The following SGO2 variants were observed in gnomAD, a reference collection of about 807,000 sequenced individuals.
SGO2 encodes shugoshin 2.
Under a neutral mutation model 99.5 loss-of-function variants are expected in SGO2, and 68 were observed. The observed-to-expected ratio is 0.68, with a 90% confidence interval of 0.56 to 0.84. The LOEUF (loss-of-function observed/expected upper bound fraction) is 0.84, where lower values mean the gene tolerates loss of function less well. SGO2 is among the 40% of genes least tolerant of loss of function. SGO2 has a pLI of 0.00. For synonymous variants in SGO2, 457 were observed against 487.1 expected, an observed-to-expected ratio of 0.94 and a Z score of 0.81; for missense variants, 1,350 against 1,436.7, an observed-to-expected ratio of 0.94 and a Z score of 0.97.
chr2:200,533,546 TGTA>T (rs1394004553), intron 2 of SGO2, among the ~76,000 whole-genome samples: 1 of 149,094 alleles, frequency 6.7e-6, no homozygotes, highest in Non-Finnish European at 1.5e-5. Flanking sequence ...TGTGTGTGTG[TGTA>T]TACATGTGAC....
intron 5 of SGO2, among the ~76,000 whole-genome samples, chr2:200,545,533 C>CAACAA (rs111459726): frequency 1.7e-3 from 265 of 152,082 alleles, no homozygotes; most frequent in Non-Finnish European, 2.4e-3. Context: ...TCTCTTGCCC[C>CAACAA]AACAAAACAA....
chr2:200,542,474 A>C, intron 4 of SGO2, 105 bp from the exon 5 acceptor site: 1 of 754,394 alleles, frequency 1.3e-6, no homozygotes, highest in South Asian at 1.9e-5. Flanking sequence ...TAAATGCAAA[A>C]ATTGTTCTTT....
chr2:200,575,804 C>T (rs562504385), intron 8 of SGO2, among the ~76,000 whole-genome samples: 20 of 152,214 alleles, frequency 1.3e-4, no homozygotes, highest in African/African-American at 4.6e-4. Flanking sequence ...TATTTCCTAC[C>T]TTGTTCCCTA....
rs530182939 is a variant in SGO2 at position 200,572,600 on chromosome 2, G to C, written c.2254G>C (p.Glu752Gln). 1.9e-6 allele frequency: 3 copies of C among 1,613,098 alleles called. No individual in the cohort carries two copies. The highest frequency in any genetic ancestry group is 2.5e-6 in the Non-Finnish European group (3 of 1,179,394). ...HSLFLTQKDK[E>Q]IIPGNLEDPS... is the part of the protein sequence containing the mutation. ...ACTCTTTTTAACGCAAAAAGATAAGGAAATCATCCCTGGAAACCTAGAAGA... is the reference window on the plus strand; with the variant it reads ...ACTCTTTTTAACGCAAAAAGATAAGCAAATCATCCCTGGAAACCTAGAAGA... Residue 752 changes from glutamate (E) to glutamine (Q), a missense_variant, in exon 7 of 9, where the codon GAA (glutamate) becomes CAA (glutamine). Coordinates refer to ENST00000357799, the MANE Select transcript of SGO2 (RefSeq NM_152524.6).
intron 5 of SGO2, among the ~76,000 whole-genome samples, chr2:200,546,572 T>C (rs1337129110): frequency 6.6e-6 from 1 of 152,002 alleles, no homozygotes; most frequent in Non-Finnish European, 1.5e-5. Context: ...TGTGATTTCT[T>C]GGACCAAGAA....
chr2:200,572,411 T>A lies in SGO2; in HGVS notation c.2065T>A (p.Leu689Met). 6.2e-7 allele frequency: 1 copy of A among 1,613,526 alleles called. No individual in the cohort carries two copies. Among genetic ancestry groups the A allele is most frequent in the Non-Finnish European group, 8.5e-7 (1 of 1,179,610 alleles). ...NQCDYRTQNV[L>M]GLQKQITNMY... ...ATGTGACTATAGGACCCAGAATGTG[T>A]TGGGTTTGCAAAAGCAGATCACCAA... Residue 689 changes from leucine (L) to methionine (M), a missense_variant, in exon 7 of 9, where the codon TTG (leucine) becomes ATG (methionine). Transcript: ENST00000357799.
chr2:200,578,450 G>C lies in SGO2; in HGVS notation c.3782+2989G>C, dbSNP rs114283791. Among the ~76,000 whole-genome samples the C allele has an allele frequency of 8.2e-3, 1,244 of 152,300 alleles. 14 individuals are homozygous for C. The highest frequency in any genetic ancestry group is 0.027 in the African/African-American group (1,141 of 41,558). ...GGTGCTCTGCTTAGGGTCTGACAAAGCTGCACTAAAGGTGTCGTCCAGGCT... is the reference window on the plus strand; with the variant it reads ...GGTGCTCTGCTTAGGGTCTGACAAACCTGCACTAAAGGTGTCGTCCAGGCT... On this transcript the variant is annotated intron_variant, in intron 8 of 8. Coordinates refer to ENST00000357799, the MANE Select transcript of SGO2 (RefSeq NM_152524.6).
rs750895188 is a variant in SGO2, at chr2:200,571,729, T to G, written c.1383T>G (p.Asn461Lys). Residue 461 changes from asparagine (N) to lysine (K), a missense_variant, in exon 7 of 9, where the codon AAT becomes AAG. Transcript: ENST00000357799. ...ATAATGAACAGCTGGCTCAGATGAA[T>G]GAACAGCTGGCTCAGGTGAATGAAC... is the stretch of plus-strand genomic sequence containing the variant. ...IFNNEQLAQM[N>K]EQLAQVNELK... 2 of 1,613,696 alleles carry G rather than the reference T, an allele frequency of 1.2e-6. No homozygotes were observed. Among genetic ancestry groups the G allele is most frequent in the Non-Finnish European group, 1.7e-6 (2 of 1,179,694 alleles).
chr2:200,570,160 A>T lies in SGO2; in HGVS notation c.703+268A>T. ...CCTAATGAGCTTTTCTCAATATCTT[A>T]GCTTATGATTTGAAAGATACCATAT... On this transcript the variant is annotated intron_variant, in intron 6 of 8. Transcript: ENST00000357799. This position sits in a 1 kb window ranked among gnomAD's most constrained non-coding sequence, Gnocchi z 4.4. 1 of 406,396 alleles carries T rather than the reference A, an allele frequency of 2.5e-6. No homozygotes were observed. The highest frequency in any genetic ancestry group is 4.3e-6 in the Non-Finnish European group (1 of 231,050). 25.2% of individuals were successfully genotyped at this position (406,396 alleles called of 1,614,324 possible).
rs368011873 is a variant in SGO2 at position 200,528,541 on chromosome 2, G to A, written c.-3+2289G>A. ...GGGAGGACATGGTGGAGTAGGTTGG[G>A]GTGGGGGGAGTTTAGGACATGTTAA... On this transcript the variant is annotated intron_variant, in intron 1 of 8. Transcript: ENST00000357799. Among the ~76,000 whole-genome samples the A allele has an allele frequency of 1.5e-3, 232 of 152,274 alleles. 1 individual carries two copies. The highest frequency in any genetic ancestry group is 5.2e-3 in the African/African-American group (218 of 41,550).
chr2:200,577,989 CTATA>C (rs1420995031), intron 8 of SGO2, among the ~76,000 whole-genome samples: 2 of 151,974 alleles, frequency 1.3e-5, no homozygotes, highest in Non-Finnish European at 2.9e-5. Context: ...TACTTTGAGT[CTATA>C]TATTCCATTT....
chr2:200,562,354 A>G (rs965675762), intron 5 of SGO2, among the ~76,000 whole-genome samples: 3 of 152,194 alleles, frequency 2.0e-5, no homozygotes, highest in Non-Finnish European at 4.4e-5. Flanking sequence ...TTTGTCAAAT[A>G]TCAGATGGTT....
At chr2:200,539,456 A>G (rs2106311343) in intron 4 of SGO2, among the ~76,000 whole-genome samples, 1 of 152,136 alleles carries the variant, frequency 6.6e-6, no homozygotes, top group East Asian at 1.9e-4. Context: ...TTCTTTTAAA[A>G]GAATCATCTT....
intron 1 of SGO2, chr2:200,532,447 C>T: frequency 3.0e-6 from 3 of 984,708 alleles, no homozygotes; most frequent in Non-Finnish European, 3.6e-6. Context: ...AATCGCTTCT[C>T]CTCTGCATTG....
Position 200,561,414 on chromosome 2 carries a change from T to C in SGO2, c.474-8249T>C, listed in dbSNP as rs1449203822. On this transcript the variant is annotated intron_variant, in intron 5 of 8. Transcript: ENST00000357799. ...GCTGCATAGTATTCCACGGTGTATA[T>C]GTGCACATTTTCTTAACCCAGTCTA... Among the ~76,000 whole-genome samples, 6 of 152,346 alleles carry C rather than the reference T, an allele frequency of 3.9e-5. No individual in the cohort carries two copies. In the East Asian group the frequency reaches 9.6e-4, roughly 24 times the overall value.
At chr2:200,532,686 T>C (rs1158107104) in intron 1 of SGO2, among the ~76,000 whole-genome samples, 2 of 152,186 alleles carry the variant, frequency 1.3e-5, no homozygotes, top group Non-Finnish European at 2.9e-5. Flanking sequence ...ACCCGCATTG[T>C]ACCATGCATT....
chr2:200,574,267 C>T (rs1482114611), intron 7 of SGO2, among the ~76,000 whole-genome samples: 8 of 152,024 alleles, frequency 5.3e-5, no homozygotes, highest in Non-Finnish European at 8.8e-5. Context: ...CTTTTTCATA[C>T]ATCTGAAGGA....
In SGO2 at chr2:200,536,100, C is replaced by T; in HGVS notation, c.345C>T (p.Asn115=). The change falls in exon 4 of 9, where the codon AAC becomes AAT. Residue 115 remains asparagine (N), a synonymous_variant. Coordinates refer to ENST00000357799, the MANE Select transcript of SGO2 (RefSeq NM_152524.6). ...KKLIDIEALM[N]NNLITAIEMS... Reference sequence around the variant, plus strand: ...TTATAGACATAGAAGCTCTCATGAACAATAACTTGATAACTGCAATTGAAA... The same window carrying T: ...TTATAGACATAGAAGCTCTCATGAATAATAACTTGATAACTGCAATTGAAA... 1 of 1,593,778 alleles carries T rather than the reference C, an allele frequency of 6.3e-7. No individual in the cohort carries two copies. Among genetic ancestry groups the T allele is most frequent in the Non-Finnish European group, 8.6e-7 (1 of 1,166,768 alleles).
Position 200,572,631 on chromosome 2 carries a change from G to A in SGO2, c.2285G>A (p.Ser762Asn). The part of the protein sequence containing the change: ...EIIPGNLEDP[S>N]EFETPALSTK... ...ATCCCTGGAAACCTAGAAGACCCAAGTGAGTTTGAAACACCTGCTCTTTCT... is the reference window on the plus strand; with the variant it reads ...ATCCCTGGAAACCTAGAAGACCCAAATGAGTTTGAAACACCTGCTCTTTCT... The change falls in exon 7 of 9, where the codon AGT becomes AAT. Residue 762 changes from serine to asparagine, a missense_variant. Physicochemically the swap from Ser to Asn is conservative, Grantham distance 46. Transcript: ENST00000357799. 1.2e-6 allele frequency: 2 copies of A among 1,612,860 alleles called. No homozygotes were observed. The highest frequency in any genetic ancestry group is 1.7e-6 in the Non-Finnish European group (2 of 1,179,380).
Sources: gnomAD v4.1 joint callset for allele counts (sites outside exome capture counted in the v4.1 genomes callset) on GRCh38, gnomAD v4.1.1 for gene constraint, Gnocchi (gnomAD v3.1) non-coding constraint, MANE v1.5 for transcripts, NCBI Gene and HGNC (gene_info 2026-07-23, HGNC 2026-07-21) for gene names.